The following AGPAT4 variants were observed in gnomAD, a reference collection of about 807,000 sequenced individuals.
AGPAT4 encodes 1-acylglycerol-3-phosphate O-acyltransferase 4, also known as 1-acyl-sn-glycerol-3-phosphate acyltransferase delta.
In AGPAT4, 15 loss-of-function variants were observed where a neutral mutation model predicts 48.0. The observed-to-expected ratio is 0.31, with a 90% CI of 0.21 to 0.48. AGPAT4 has a LOEUF of 0.48. Ranked by LOEUF, AGPAT4 falls within the 20% of genes least tolerant of loss-of-function variation. The pLI, the probability that AGPAT4 is intolerant of heterozygous loss-of-function variation, is 0.99. For synonymous variants in AGPAT4, 178 were observed against 198.7 expected, an observed-to-expected ratio of 0.90 and a Z score of 0.88; for missense variants, 314 against 482.5, an observed-to-expected ratio of 0.65 and a Z score of 3.27.
rs1052464534 is a variant in AGPAT4 at position 161,243,492 on chromosome 6, G to A, written c.-89-11190C>T. Among the ~76,000 whole-genome samples, 8 of 152,202 alleles carry A rather than the reference G, an allele frequency of 5.3e-5. No individual in the cohort carries two copies. The highest frequency in any genetic ancestry group is 1.9e-4 in the African/African-American group (8 of 41,442). On this transcript the variant is annotated intron_variant, in intron 1 of 8. Transcript: ENST00000320285. The surrounding 1 kb of genome is among the most constrained non-coding windows in gnomAD (Gnocchi z 4.8). ...GGCCCACCACAAGGCTGTGTGCCCA[G>A]AGCCTGCAGGAGAGGCGCTGTTTCC...
chr6:161,155,783 G>A lies in AGPAT4; in HGVS notation c.349-1473C>T, dbSNP rs1198077127. Among the ~76,000 whole-genome samples the A allele has an allele frequency of 6.6e-6, 1 of 152,232 alleles. No homozygotes were observed. Among genetic ancestry groups the A allele is most frequent in the Non-Finnish European group, 1.5e-5 (1 of 68,044 alleles). On this transcript the variant is annotated intron_variant, in intron 3 of 8. Transcript: ENST00000320285. The surrounding 1 kb of genome is among the most constrained non-coding windows in gnomAD (Gnocchi z 5.8). ...TGGTGCGGGTGTGAGGGCTTACCGTGTGCTGTGCCCATGGTATTTTTTAAA... is the reference window on the plus strand; with the variant it reads ...TGGTGCGGGTGTGAGGGCTTACCGTATGCTGTGCCCATGGTATTTTTTAAA...
At position 161,135,687 on chromosome 6, in the gene AGPAT4, C is replaced by G. The variant is rs1421360305; in HGVS notation, c.*853G>C. 1.3e-5 allele frequency: 2 copies of G among 152,236 alleles called. No homozygotes were observed. The highest frequency in any genetic ancestry group is 6.5e-5 in the Admixed American group (1 of 15,280). The allele number at this position is 152,236 out of a possible 1,614,324, so 9.4% of individuals were successfully genotyped here. A position where few individuals can be genotyped will look rare whatever the true frequency, so the allele number is the denominator to read the frequency against. The stretch of plus-strand genomic sequence containing the variant: ...CTGAGAGGAACAGTCGATGCAAGCT[C>G]ATCTCACAAATCACTGCAGAATGCC... On this transcript the variant is annotated 3_prime_UTR_variant, in exon 9 of 9. Transcript: ENST00000320285.
intron 2 of AGPAT4, among the ~76,000 whole-genome samples, chr6:161,209,652 C>A (rs1781472012): frequency 6.6e-6 from 1 of 152,178 alleles, no homozygotes; most frequent in Non-Finnish European, 1.5e-5. Flanking sequence ...GAGGGTCAGA[C>A]AGGCAAAGCC....
intron 1 of AGPAT4, among the ~76,000 whole-genome samples, chr6:161,257,543 C>A (rs1182979940): frequency 6.6e-6 from 1 of 152,066 alleles, no homozygotes; most frequent in Admixed American, 6.5e-5. Context: ...GAACTATACA[C>A]TTAAAATGGG....
chr6:161,171,733 CAAA>C lies in AGPAT4; in HGVS notation c.179-5319_179-5317del, dbSNP rs36059455. On this transcript the variant is annotated intron_variant, in intron 2 of 8. Transcript: ENST00000320285. The surrounding 1 kb of genome is among the most constrained non-coding windows in gnomAD (Gnocchi z 4.4). ...TGAAACCCTGTCTCTACTAAAAATA[CAAA>C]AAAAAAAAAAAAAATTAGCTGGGCG... Among the ~76,000 whole-genome samples, 6 of 117,714 alleles carry C rather than the reference CAAA, an allele frequency of 5.1e-5. No individual in the cohort carries two copies. The highest frequency in any genetic ancestry group is 1.8e-4 in the African/African-American group (6 of 33,062). 77.2% of individuals were successfully genotyped at this position (117,714 alleles called of 152,430 possible).
At chr6:161,183,638 TGAGGGGAGGAGAGGG>T (rs778481424) in intron 2 of AGPAT4, among the ~76,000 whole-genome samples, 4,012 of 37,830 alleles carry the variant, frequency 0.11, 167 homozygotes, top group South Asian at 0.21. Flanking sequence ...GGAGGGGAGG[TGAGGGGAGGAGAGGG>T]GAGGGGAGGA....
rs1780204228 is a variant in AGPAT4 at position 161,169,445 on chromosome 6, A to G, written c.179-3028T>C. On this transcript the variant is annotated intron_variant, in intron 2 of 8. Coordinates refer to ENST00000320285, the MANE Select transcript of AGPAT4 (RefSeq NM_020133.3). The surrounding 1 kb of genome is among the most constrained non-coding windows in gnomAD (Gnocchi z 5.0). ...AACTCTGAACCTCACTGGATAAAAG[A>G]GCTTGATTTCCCTTTTTTGTTTTTT... Among the ~76,000 whole-genome samples the G allele has an allele frequency of 6.6e-6, 1 of 151,994 alleles. No individual in the cohort carries two copies. Among genetic ancestry groups the G allele is most frequent in the Non-Finnish European group, 1.5e-5 (1 of 68,004 alleles).
Position 161,154,294 on chromosome 6 carries a change from G to T in AGPAT4, c.365C>A (p.Ala122Asp), listed in dbSNP as rs971669200. 6.2e-7 allele frequency: 1 copy of T among 1,614,132 alleles called. No homozygotes were observed. The highest frequency in any genetic ancestry group is 8.5e-7 in the Non-Finnish European group (1 of 1,180,022). ...TGGGACATAGGCCAGCTCTTTCTTG[G>T]CCAGGACCTTGGAGCCCTGAAACAG... ...FGLLGGSKVL[A>D]KKELAYVPII... Residue 122 changes from alanine (A) to aspartate (D), a missense_variant, in exon 4 of 9, where the codon GCC (alanine) becomes GAC (aspartate). Coordinates refer to ENST00000320285, the MANE Select transcript of AGPAT4 (RefSeq NM_020133.3). This position sits in a 1 kb window ranked among gnomAD's most constrained non-coding sequence, Gnocchi z 7.8.
chr6:161,181,749 C>G (rs1187423263), intron 2 of AGPAT4, among the ~76,000 whole-genome samples: 1 of 152,172 alleles, frequency 6.6e-6, no homozygotes, highest in Non-Finnish European at 1.5e-5. Flanking sequence ...AGCATCTGCT[C>G]TTCCCACTCA....
rs1782148073 is a variant in AGPAT4, at chr6:161,232,479, GC to G, written c.-89-178del. On this transcript the variant is annotated intron_variant, in intron 1 of 8. Transcript: ENST00000320285. The surrounding 1 kb of genome is among the most constrained non-coding windows in gnomAD (Gnocchi z 6.8). ...TTACTTCCTGTCGAGCATAGTCTAA[GC>G]CCTTTAACAATAATCCTTCCTTTAA... Among the ~76,000 whole-genome samples, 1 of 152,194 alleles carries G rather than the reference GC, an allele frequency of 6.6e-6. No homozygotes were observed. Among genetic ancestry groups the G allele is most frequent in the Admixed American group, 6.5e-5 (1 of 15,292 alleles).
intron 2 of AGPAT4, among the ~76,000 whole-genome samples, chr6:161,194,597 TA>T (rs1781016966): frequency 6.6e-6 from 1 of 151,700 alleles, no homozygotes; most frequent in African/African-American, 2.4e-5. Context: ...TGTATGTATG[TA>T]TGTGTGTCTA....
chr6:161,273,174 A>T (rs1170434029), intron 1 of AGPAT4, among the ~76,000 whole-genome samples: 4 of 152,268 alleles, frequency 2.6e-5, no homozygotes, highest in African/African-American at 7.2e-5. Flanking sequence ...TAGGTTTTCT[A>T]AAAAAAGACC....
At chr6:161,260,859 G>C (rs535093516) in intron 1 of AGPAT4, among the ~76,000 whole-genome samples, 11 of 151,872 alleles carry the variant, frequency 7.2e-5, no homozygotes, top group Non-Finnish European at 7.4e-5. Flanking sequence ...ACTGCATTCC[G>C]GCCTGGGTGA....
chr6:161,252,197 T>C (rs7756859), intron 1 of AGPAT4, among the ~76,000 whole-genome samples: 26,135 of 152,100 alleles, frequency 0.17, 3,562 homozygotes, highest in African/African-American at 0.37. Context: ...GACATGGGGT[T>C]GTGGGTGGCA....
In AGPAT4 at chr6:161,139,698, G is replaced by T; in HGVS notation, c.844-78C>A. 7.4e-7 allele frequency: 1 copy of T among 1,342,848 alleles called. No individual in the cohort carries two copies. The highest frequency in any genetic ancestry group is 1.0e-6 in the Non-Finnish European group (1 of 977,258). 83.2% of individuals were successfully genotyped at this position (1,342,848 alleles called of 1,614,324 possible). ...TCCCTCCCGAGGCCCTGCTTCCAAG[G>T]GAATCGCAGAGATACACAGGTGCCA... On this transcript the variant is annotated intron_variant, in intron 7 of 8. Transcript: ENST00000320285. This position sits in a 1 kb window ranked among gnomAD's most constrained non-coding sequence, Gnocchi z 9.1.
rs956105059 is a variant in AGPAT4, at chr6:161,226,168, C to T, written c.178+5868G>A. The stretch of plus-strand genomic sequence containing the variant: ...AGCCAGTAGGTCCTGCCCAACTCCA[C>T]ATTTTGACAGGCTCAAAGGCAGTGA... On this transcript the variant is annotated intron_variant, in intron 2 of 8. Coordinates refer to ENST00000320285, the MANE Select transcript of AGPAT4 (RefSeq NM_020133.3). The surrounding 1 kb of genome is among the most constrained non-coding windows in gnomAD (Gnocchi z 6.3). 3.1e-4 allele frequency among the ~76,000 whole-genome samples: 47 copies of T among 152,158 alleles called. No individual in the cohort carries two copies. Among genetic ancestry groups the T allele is most frequent in the African/African-American group, 1.0e-3 (43 of 41,428 alleles).
chr6:161,159,500 T>C lies in AGPAT4; in HGVS notation c.349-5190A>G, dbSNP rs2140652. ...GACCCCTTCTGGCAAGAAAGGTGTG[T>C]GCAAGAGAGGATGGTATGGGCCTGG... is the stretch of plus-strand genomic sequence containing the variant. On this transcript the variant is annotated intron_variant, in intron 3 of 8. Coordinates refer to ENST00000320285, the MANE Select transcript of AGPAT4 (RefSeq NM_020133.3). The surrounding 1 kb of genome is among the most constrained non-coding windows in gnomAD (Gnocchi z 4.1). 0.96 allele frequency among the ~76,000 whole-genome samples: 146,447 copies of C among 152,284 alleles called. 70,467 individuals are homozygous for C. The highest frequency in any genetic ancestry group is 1 in the East Asian group (5,166 of 5,180).
At chr6:161,228,660 G>GGAAAAAAAAAAAAA (rs1562347784) in intron 2 of AGPAT4, among the ~76,000 whole-genome samples, 2 of 53,016 alleles carry the variant, frequency 3.8e-5, no homozygotes, top group African/African-American at 1.8e-4. Context: ...TGTCAGAGAG[G>GGAAAAAAAAAAAAA]TAAAAAAAAA....
rs1050335927 is a variant in AGPAT4 at position 161,143,264 on chromosome 6, G to A, written c.843+3260C>T. 1.3e-5 allele frequency among the ~76,000 whole-genome samples: 2 copies of A among 151,896 alleles called. No individual in the cohort carries two copies. Among genetic ancestry groups the A allele is most frequent in the South Asian group, 4.2e-4 (2 of 4,814 alleles). ...GTTTGTAAAATTTTTTTGTAGAGAC[G>A]GGTTCCCATTATGTTGCCCAGACTG... is the stretch of plus-strand genomic sequence containing the variant. On this transcript the variant is annotated intron_variant, in intron 7 of 8. Coordinates refer to ENST00000320285, the MANE Select transcript of AGPAT4 (RefSeq NM_020133.3). This position sits in a 1 kb window ranked among gnomAD's most constrained non-coding sequence, Gnocchi z 4.7.
Sources: gnomAD v4.1 joint callset for allele counts (sites outside exome capture counted in the v4.1 genomes callset) on GRCh38, gnomAD v4.1.1 for gene constraint, Gnocchi (gnomAD v3.1) non-coding constraint, MANE v1.5 for transcripts, NCBI Gene and HGNC (gene_info 2026-07-23, HGNC 2026-07-21) for gene names.